The following NBEAL1 variants were observed in gnomAD, a reference collection of about 807,000 sequenced individuals.
The protein encoded by NBEAL1 is neurobeachin like 1.
Under a neutral mutation model 351.3 loss-of-function variants are expected in NBEAL1, and 273 were observed. The ratio of observed to expected loss-of-function variants is 0.78; its 90% CI spans 0.70 to 0.86. The LOEUF (loss-of-function observed/expected upper bound fraction) is 0.86, where lower values mean the gene tolerates loss of function less well. Among genes scored for constraint, NBEAL1 ranks in the 40% least tolerant of loss-of-function variants. The probability of loss-of-function intolerance (pLI) is 0.00; values close to 1 mark genes in which losing one functional copy is unlikely to be tolerated. For synonymous variants in NBEAL1, 1,050 were observed against 1,086.4 expected (o/e 0.97, Z 0.66); for missense variants, 2,961 against 3,201.3 (o/e 0.92, Z 1.81).
At chr2:203,092,276 C>T (rs950646233) in intron 10 of NBEAL1, among the ~76,000 whole-genome samples, 1 of 151,940 alleles carries the variant, frequency 6.6e-6, no homozygotes, top group Non-Finnish European at 1.5e-5. Flanking sequence ...CATAACTAAG[C>T]TGGGCATGGT....
In NBEAL1 at chr2:203,107,630, C is replaced by T. The variant is rs1037769390; in HGVS notation, c.1391C>T (p.Ser464Leu). The T allele has an allele frequency of 6.4e-7, 1 of 1,551,942 alleles. No individual in the cohort carries two copies. Among genetic ancestry groups the T allele is most frequent in the African/African-American group, 1.4e-5 (1 of 73,094 alleles). Residue 464 changes from serine to leucine, a missense_variant, in exon 14 of 56, where the codon TCA becomes TTA. Physicochemically the swap from Ser to Leu is moderately radical, Grantham distance 145. Transcript: ENST00000683969. ...MNMAVEGDHT[S>L]VGILGISNVQ... is the part of the protein sequence containing the mutation. ...CAGGCTGTAGAGGGTGACCACACTT[C>T]AGTTGGGATTTTGGGCATTAGTAAT...
intron 10 of NBEAL1, among the ~76,000 whole-genome samples, chr2:203,086,441 AG>A (rs2061962147): frequency 1.3e-5 from 2 of 152,130 alleles, no homozygotes; most frequent in African/African-American, 4.8e-5. Flanking sequence ...TCTTGTTGTT[AG>A]TTCAGCTCTC....
chr2:203,184,074 T>TAAAAAAAAAAAA (rs1170251389), intron 44 of NBEAL1, among the ~76,000 whole-genome samples: 1 of 88,010 alleles, frequency 1.1e-5, no homozygotes, highest in Non-Finnish European at 2.1e-5. Context: ...CGAGACTGTC[T>TAAAAAAAAAAAA]AAAAAAAAAA....
intron 3 of NBEAL1, among the ~76,000 whole-genome samples, chr2:203,048,635 G>C (rs937970600): frequency 2.0e-5 from 3 of 152,082 alleles, no homozygotes; most frequent in Non-Finnish European, 2.9e-5. Flanking sequence ...CGTCCATAGG[G>C]AACTTCAAAG....
chr2:203,187,367 GTTTTTTTTT>G (rs71034225), intron 44 of NBEAL1, among the ~76,000 whole-genome samples: 1 of 87,790 alleles, frequency 1.1e-5, no homozygotes, highest in Non-Finnish European at 2.1e-5. Flanking sequence ...TCTTGCAATG[GTTTTTTTTT>G]TTTTTTTTTT....
In NBEAL1 at chr2:203,157,831, T is replaced by C; in HGVS notation, c.5714+6T>C. 6.6e-7 allele frequency: 1 copy of C among 1,506,958 alleles called. No individual in the cohort carries two copies. Among genetic ancestry groups the C allele is most frequent in the Non-Finnish European group, 8.8e-7 (1 of 1,132,566 alleles). 93.3% of individuals were successfully genotyped at this position (1,506,958 alleles called of 1,614,324 possible). ...ATAACAGCTAGAGTAAATGTGTATGTATAAATATTTAAAATTATTTTGTTC... is the reference window on the plus strand; with the variant it reads ...ATAACAGCTAGAGTAAATGTGTATGCATAAATATTTAAAATTATTTTGTTC... On this transcript the variant is annotated splice_donor_region_variant and intron_variant, in intron 36 of 55. Coordinates refer to ENST00000683969, the MANE Select transcript of NBEAL1 (RefSeq NM_001378026.1).
At chr2:203,167,473 G>T in intron 38 of NBEAL1, 113 bp downstream of exon 38, 1 of 1,076,296 alleles carries the variant, frequency 9.3e-7, no homozygotes, top group Non-Finnish European at 1.3e-6. Context: ...AAATGTTAGA[G>T]GAAAAAATAC....
chr2:203,217,216 A>C, intron 55 of NBEAL1, 37 bp from the exon 56 acceptor site: 1 of 1,431,354 alleles, frequency 7.0e-7, no homozygotes, highest in South Asian at 1.6e-5. Context: ...TTTTTTCTTA[A>C]TATTTATTCT....
chr2:203,048,502 G>A (rs1009351418), intron 3 of NBEAL1, among the ~76,000 whole-genome samples: 35 of 152,124 alleles, frequency 2.3e-4, no homozygotes, highest in African/African-American at 7.5e-4. Context: ...GTATTCTCTG[G>A]TTTTGGTTGT....
intron 41 of NBEAL1, among the ~76,000 whole-genome samples, chr2:203,174,201 A>C (rs1220591499): frequency 3.4e-5 from 4 of 118,060 alleles, no homozygotes; most frequent in Non-Finnish European, 6.6e-5. Flanking sequence ...TAATTATCAC[A>C]GTGCTTTATA....
intron 2 of NBEAL1, among the ~76,000 whole-genome samples, chr2:203,022,395 T>C (rs1306287845): frequency 6.6e-6 from 1 of 152,150 alleles, no homozygotes. Flanking sequence ...TTTTATTTTA[T>C]TTTATTTTAT....
Position 203,191,290 on chromosome 2 carries a change from A to T in NBEAL1, c.6921+901A>T, listed in dbSNP as rs1248311305. 5 of 1,061,592 alleles carry T rather than the reference A, an allele frequency of 4.7e-6. No individual in the cohort carries two copies. In the East Asian group the frequency reaches 1.2e-4, roughly 25 times the overall value. 65.8% of individuals were successfully genotyped at this position (1,061,592 alleles called of 1,614,324 possible). ...CCCAGCCAGTTAAGCACAAAGGAAA[A>T]TATTTCAATAAAGGATCATTTGACA... On this transcript the variant is annotated intron_variant, in intron 46 of 55. Coordinates refer to ENST00000683969, the MANE Select transcript of NBEAL1 (RefSeq NM_001378026.1).
chr2:203,131,165 A>G (rs1024328518), intron 25 of NBEAL1, among the ~76,000 whole-genome samples: 2 of 152,226 alleles, frequency 1.3e-5, no homozygotes, highest in Non-Finnish European at 2.9e-5. Flanking sequence ...AGTTTTAAGC[A>G]TACCAATTAT....
In NBEAL1 at chr2:203,108,145, C is replaced by T; in HGVS notation, c.1906C>T (p.Leu636Phe). ...TTGCTTAGACCAGGATCAGTTGACT[C>T]TTGGCATTGCTAACAAAGGAGGGAA... is the stretch of plus-strand genomic sequence containing the variant. ...WFCLDQDQLT[L>F]GIANKGGKRK... Residue 636 changes from leucine to phenylalanine, a missense_variant, in exon 14 of 56, where the codon CTT becomes TTT. Physicochemically the swap from Leu to Phe is conservative, Grantham distance 22 (BLOSUM62 0). Coordinates refer to ENST00000683969, the MANE Select transcript of NBEAL1 (RefSeq NM_001378026.1). 6.4e-7 allele frequency: 1 copy of T among 1,551,434 alleles called. No homozygotes were observed. Among genetic ancestry groups the T allele is most frequent in the Non-Finnish European group, 8.7e-7 (1 of 1,146,654 alleles).
chr2:203,091,588 C>T (rs1170590479), intron 10 of NBEAL1, among the ~76,000 whole-genome samples: 5 of 152,182 alleles, frequency 3.3e-5, no homozygotes, highest in African/African-American at 1.2e-4. Flanking sequence ...TTCATACCAA[C>T]AGTGCACAAA....
At chr2:203,206,759 C>T (rs1328085031) in intron 51 of NBEAL1, among the ~76,000 whole-genome samples, 1 of 151,962 alleles carries the variant, frequency 6.6e-6, no homozygotes, top group African/African-American at 2.4e-5. Flanking sequence ...GGCATGATCT[C>T]GGCTCGGTAC....
intron 9 of NBEAL1, among the ~76,000 whole-genome samples, 187 bp from the exon 10 acceptor site, chr2:203,084,272 CATTA>C (rs759900192): frequency 6.6e-6 from 1 of 151,994 alleles, no homozygotes; most frequent in Non-Finnish European, 1.5e-5. Flanking sequence ...TCATAACGAA[CATTA>C]ATTGTTTGGT....
In NBEAL1 at chr2:203,122,353, T is replaced by C. The variant is rs1280382017; in HGVS notation, c.2682+10T>C. On this transcript the variant is annotated intron_variant, in intron 19 of 55. Transcript: ENST00000683969. The stretch of plus-strand genomic sequence containing the variant: ...GAACTGGGACATTAAGGTAAATTAA[T>C]AGTAAATGTTGGGCAACATCTTACA... 4.1e-6 allele frequency: 6 copies of C among 1,468,804 alleles called. No individual in the cohort carries two copies. Among genetic ancestry groups the C allele is most frequent in the South Asian group, 2.6e-5 (2 of 77,296 alleles). 91.0% of individuals were successfully genotyped at this position (1,468,804 alleles called of 1,614,324 possible).
chr2:203,137,194 G>T (rs996806613), intron 29 of NBEAL1, among the ~76,000 whole-genome samples: 1 of 152,176 alleles, frequency 6.6e-6, no homozygotes, highest in African/African-American at 2.4e-5. Flanking sequence ...CCCACAGGTT[G>T]CAGGCCACAC....
Sources: gnomAD v4.1 joint callset for allele counts (sites outside exome capture counted in the v4.1 genomes callset) on GRCh38, gnomAD v4.1.1 for gene constraint, MANE v1.5 for transcripts, NCBI Gene and HGNC (gene_info 2026-07-23, HGNC 2026-07-21) for gene names.